ZNF804A: variants seen among roughly 807,000 people sequenced by gnomAD.
ZNF804A encodes the protein zinc finger protein 804A.
A neutral mutation model predicts 16.5 loss-of-function variants in ZNF804A; 2 were observed. The ratio of observed to expected loss-of-function variants is 0.12; its 90% CI spans 0.05 to 0.38. ZNF804A has a LOEUF of 0.38. ZNF804A is among the 10% of genes least tolerant of loss of function. The pLI is 0.99. For synonymous variants in ZNF804A, 534 were observed against 489.6 expected (o/e 1.09, Z -1.20); for missense variants, 1,473 against 1,390.7 (o/e 1.06, Z -0.94).
chr2:184,657,330 A>G (rs1017057718), intron 1 of ZNF804A, among the ~76,000 whole-genome samples: 3 of 152,112 alleles, frequency 2.0e-5, no homozygotes, highest in African/African-American at 7.2e-5. Flanking sequence ...CAAGTGATCC[A>G]TTCTGTTTGG....
chr2:184,701,276 A>C (rs1202863342), intron 1 of ZNF804A, among the ~76,000 whole-genome samples: 2 of 151,946 alleles, frequency 1.3e-5, no homozygotes, highest in Non-Finnish European at 2.9e-5. Flanking sequence ...ATACAGCCAA[A>C]GACTTGAAGT....
chr2:184,936,433 T>A lies in ZNF804A; in HGVS notation c.1037T>A (p.Ile346Lys). 6.2e-7 allele frequency: 1 copy of A among 1,613,936 alleles called. No homozygotes were observed. The highest frequency in any genetic ancestry group is 8.5e-7 in the Non-Finnish European group (1 of 1,179,902). The change falls in exon 4 of 4, where the codon ATA (isoleucine) becomes AAA (lysine). Residue 346 changes from isoleucine (I) to lysine (K), a missense_variant. Ile to Lys is a moderately radical substitution (Grantham distance 102). Transcript: ENST00000302277. ...PLESVVINED[I>K]PVSGNSFELL... ...GAGAGTGTTGTTATTAATGAAGACA[T>A]ACCTGTTAGTGGTAACAGTTTTGAG...
chr2:184,605,403 T>C (rs1691129195), intron 1 of ZNF804A, among the ~76,000 whole-genome samples: 1 of 152,170 alleles, frequency 6.6e-6, no homozygotes, highest in Admixed American at 6.5e-5. Flanking sequence ...TTCTAAATTA[T>C]CTACTGTATC....
At chr2:184,695,397 C>T (rs1251153557) in intron 1 of ZNF804A, among the ~76,000 whole-genome samples, 1 of 144,996 alleles carries the variant, frequency 6.9e-6, no homozygotes, top group Non-Finnish European at 1.5e-5. Flanking sequence ...GTAGGCGGAG[C>T]TCGCAGTGAG....
At chr2:184,621,252 T>C (rs1293597518) in intron 1 of ZNF804A, among the ~76,000 whole-genome samples, 1 of 151,700 alleles carries the variant, frequency 6.6e-6, no homozygotes, top group East Asian at 1.9e-4. Context: ...TTTTAAATCA[T>C]TGGGATAAAA....
intron 2 of ZNF804A, among the ~76,000 whole-genome samples, chr2:184,886,743 C>T (rs1460338410): frequency 6.6e-6 from 1 of 152,210 alleles, no homozygotes; most frequent in Non-Finnish European, 1.5e-5. Context: ...TATGTTGGCC[C>T]CTTTCAGCCA....
chr2:184,732,111 C>T (rs974341735), intron 1 of ZNF804A, among the ~76,000 whole-genome samples: 5 of 151,892 alleles, frequency 3.3e-5, no homozygotes, highest in African/African-American at 1.2e-4. Context: ...GGTGTTATGT[C>T]CAAAAATATC....
At chr2:184,632,727 A>T (rs1377672035) in intron 1 of ZNF804A, among the ~76,000 whole-genome samples, 2 of 152,198 alleles carry the variant, frequency 1.3e-5, no homozygotes, top group African/African-American at 4.8e-5. Flanking sequence ...TGGCTTAACT[A>T]TCTTATATTC....
rs1178887512 is a variant in ZNF804A, at chr2:184,938,164, C to T, written c.2768C>T (p.Ala923Val). 1.2e-6 allele frequency: 2 copies of T among 1,614,000 alleles called. No homozygotes were observed. Among genetic ancestry groups the T allele is most frequent in the East Asian group, 2.2e-5 (1 of 44,824 alleles). ...ACCACATCTGTCTGTGTAGCTAGTG[C>T]CCCAACAAAAGAAGCAATTGACAAT... ...DPTTSVCVAS[A>V]PTKEAIDNTL... Residue 923 changes from alanine to valine, a missense_variant, in exon 4 of 4, where the codon GCC becomes GTC. Physicochemically the swap from Ala to Val is moderately conservative, Grantham distance 64. Transcript: ENST00000302277.
intron 2 of ZNF804A, among the ~76,000 whole-genome samples, chr2:184,919,349 A>C (rs1685496919): frequency 6.6e-6 from 1 of 152,174 alleles, no homozygotes; most frequent in Non-Finnish European, 1.5e-5. Flanking sequence ...CGCTGCTGGC[A>C]TTGGGCTGTC....
chr2:184,644,341 C>A (rs541637897), intron 1 of ZNF804A, among the ~76,000 whole-genome samples: 1 of 151,708 alleles, frequency 6.6e-6, no homozygotes, highest in African/African-American at 2.4e-5. Flanking sequence ...CATGCAGAAG[C>A]AACAATATTT....
chr2:184,868,912 C>G (rs1695927002), intron 2 of ZNF804A, among the ~76,000 whole-genome samples: 1 of 152,016 alleles, frequency 6.6e-6, no homozygotes, highest in African/African-American at 2.4e-5. Context: ...AAGATCAAAG[C>G]AATCTTTTTG....
At chr2:184,813,329 A>G (rs965822773) in intron 1 of ZNF804A, among the ~76,000 whole-genome samples, 11 of 152,148 alleles carry the variant, frequency 7.2e-5, no homozygotes, top group African/African-American at 2.7e-4. Context: ...GATAACCAAT[A>G]TGAGAAAACT....
chr2:184,835,831 G>A (rs1695337269), intron 1 of ZNF804A, among the ~76,000 whole-genome samples: 1 of 152,108 alleles, frequency 6.6e-6, no homozygotes, highest in African/African-American at 2.4e-5. Context: ...GTTTGGTGTT[G>A]CAGGCAAGTT....
At chr2:184,689,357 A>G (rs2105724371) in intron 1 of ZNF804A, among the ~76,000 whole-genome samples, 1 of 152,282 alleles carries the variant, frequency 6.6e-6, no homozygotes, top group Non-Finnish European at 1.5e-5. Context: ...ACCTGACATT[A>G]GCAGTCTAGT....
intron 1 of ZNF804A, among the ~76,000 whole-genome samples, chr2:184,860,361 C>T (rs13422256): frequency 0.14 from 21,012 of 152,212 alleles, 1,566 homozygotes; most frequent in Middle Eastern, 0.24. Flanking sequence ...TGTTTGAGGC[C>T]AGAAGTGCCA....
At chr2:184,896,438 T>C (rs149143917) in intron 2 of ZNF804A, among the ~76,000 whole-genome samples, 24 of 152,252 alleles carry the variant, frequency 1.6e-4, no homozygotes, top group African/African-American at 5.5e-4. Flanking sequence ...GGTTCCTGCT[T>C]CATTTGTCAT....
In ZNF804A at chr2:184,786,019, T is replaced by A. The variant is rs183492775; in HGVS notation, c.112-80350T>A. Among the ~76,000 whole-genome samples the A allele has an allele frequency of 4.5e-4, 68 of 152,126 alleles. No homozygotes were observed. In the Middle Eastern group the frequency reaches 0.014, roughly 30 times the overall value. ...GTAGATCTAGCTGAAGTCAGAGGTG[T>A]CTCAAATTCCCAGTGTATGAAAATC... On this transcript the variant is annotated intron_variant, in intron 1 of 3. Coordinates refer to ENST00000302277, the MANE Select transcript of ZNF804A (RefSeq NM_194250.2).
chr2:184,656,881 T>C (rs1692086224), intron 1 of ZNF804A, among the ~76,000 whole-genome samples: 1 of 152,168 alleles, frequency 6.6e-6, no homozygotes, highest in South Asian at 2.1e-4. Context: ...GGTCTTGTCC[T>C]GTTTTTGTTC....
Sources: gnomAD v4.1 joint callset for allele counts (sites outside exome capture counted in the v4.1 genomes callset) on GRCh38, gnomAD v4.1.1 for gene constraint, MANE v1.5 for transcripts, NCBI Gene and HGNC (gene_info 2026-07-23, HGNC 2026-07-21) for gene names.